Variants in CLEC16A observed in about 807,000 individuals in gnomAD.
CLEC16A encodes the protein protein CLEC16A.
In CLEC16A, 51 loss-of-function variants were observed where a neutral mutation model predicts 109.5. The observed-to-expected ratio is 0.47, with a 90% CI of 0.37 to 0.59. The LOEUF is 0.59. CLEC16A is among the 20% of genes least tolerant of loss of function. The probability of loss-of-function intolerance (pLI) is 0.00; values close to 1 mark genes in which losing one functional copy is unlikely to be tolerated. For missense variants in CLEC16A, 1,339 were observed against 1,394.0 expected (o/e 0.96, Z 0.63); for synonymous variants, 673 against 564.2 (o/e 1.19, Z -2.73).
At chr16:11,133,364 G>T (rs898971544) in intron 22 of CLEC16A, among the ~76,000 whole-genome samples, 28 of 148,766 alleles carry the variant, frequency 1.9e-4, no homozygotes, top group Admixed American at 6.7e-4. Flanking sequence ...TTTTTTTTTT[G>T]ACTCTCCTGA....
intron 1 of CLEC16A, among the ~76,000 whole-genome samples, chr16:10,949,811 C>A (rs1029150393): frequency 6.6e-6 from 1 of 152,140 alleles, no homozygotes; most frequent in Non-Finnish European, 1.5e-5. Flanking sequence ...GCTCTGCTGC[C>A]GTCCCCTGGT....
chr16:11,029,281 C>T (rs1234044113), intron 13 of CLEC16A, among the ~76,000 whole-genome samples: 2 of 152,138 alleles, frequency 1.3e-5, no homozygotes, highest in Admixed American at 1.3e-4. Context: ...AGTGTGAGCT[C>T]CAGGAATTGT....
chr16:10,994,492 A>G (rs2044216833), intron 10 of CLEC16A, among the ~76,000 whole-genome samples: 1 of 152,136 alleles, frequency 6.6e-6, no homozygotes, highest in Non-Finnish European at 1.5e-5. Flanking sequence ...GCCATGTGCT[A>G]CAGTGCTGTT....
intron 13 of CLEC16A, 126 bp from the exon 14 acceptor site, chr16:11,039,628 A>G: frequency 8.7e-7 from 1 of 1,154,974 alleles, no homozygotes; most frequent in East Asian, 2.7e-5. Flanking sequence ...AAGAAAAAGG[A>G]AAAGAAATCA....
chr16:11,001,418 G>A (rs2044662908), intron 10 of CLEC16A, among the ~76,000 whole-genome samples: 1 of 152,158 alleles, frequency 6.6e-6, no homozygotes, highest in Non-Finnish European at 1.5e-5. Context: ...GTAGAATTAA[G>A]TTTTAGCTCC....
At chr16:11,098,795 CT>C (rs1012498014) in intron 19 of CLEC16A, among the ~76,000 whole-genome samples, 16 of 152,222 alleles carry the variant, frequency 1.1e-4, no homozygotes, top group African/African-American at 3.9e-4. Flanking sequence ...AACTTTTCAA[CT>C]CCTTCGTTCA....
chr16:11,115,478 TCCTCCTGCCTCAG>T (rs1287989096), intron 19 of CLEC16A, among the ~76,000 whole-genome samples: 17 of 152,158 alleles, frequency 1.1e-4, no homozygotes, highest in Non-Finnish European at 1.3e-4. Context: ...GCTCAAGTGA[TCCTCCTGCCTCAG>T]CCTCCTGAGT....
chr16:10,971,497 G>T (rs1193768503), intron 5 of CLEC16A: 3 of 966,728 alleles, frequency 3.1e-6, no homozygotes, highest in Non-Finnish European at 3.7e-6. Context: ...GGGATTCAGA[G>T]TGGCTATGTT....
chr16:10,978,578 G>C (rs1346265391), intron 8 of CLEC16A, among the ~76,000 whole-genome samples: 2 of 152,212 alleles, frequency 1.3e-5, no homozygotes, highest in East Asian at 1.9e-4. Context: ...AGCCAGGACT[G>C]AGGCTTTGAG....
chr16:11,083,133 TTTG>T lies in CLEC16A; in HGVS notation c.2116+22129_2116+22131del, dbSNP rs753891555. ...GTAGGGGGATTGAGGTTTTGTTTGT[TTTG>T]TTGTTGTTGTTGTTGTTTGTTTGTT... On this transcript the variant is annotated intron_variant, in intron 19 of 23. Transcript: ENST00000409790. Among the ~76,000 whole-genome samples, 1,319 of 150,148 alleles carry T rather than the reference TTTG, an allele frequency of 8.8e-3. 6 individuals are homozygous for T. Among genetic ancestry groups the T allele is most frequent in the African/African-American group, 0.019 (769 of 40,404 alleles).
At chr16:11,033,238 T>C (rs1169194354) in intron 13 of CLEC16A, among the ~76,000 whole-genome samples, 1 of 151,846 alleles carries the variant, frequency 6.6e-6, no homozygotes, top group Non-Finnish European at 1.5e-5. Context: ...TTTACTAGGA[T>C]GAGGAGACAA....
rs2042243559 is a variant in CLEC16A at position 10,961,414 on chromosome 16, C to T, written c.210-1041C>T. On this transcript the variant is annotated intron_variant, in intron 2 of 23. Coordinates refer to ENST00000409790, the MANE Select transcript of CLEC16A (RefSeq NM_015226.3). The surrounding 1 kb of genome is among the most constrained non-coding windows in gnomAD (Gnocchi z 4.3). ...GACAGAGAGGCACCCACAACTGAGT[C>T]AGCCCGCAGGCACACCTCATTTCTT... Among the ~76,000 whole-genome samples the T allele has an allele frequency of 6.6e-6, 1 of 152,196 alleles. No individual in the cohort carries two copies. The highest frequency in any genetic ancestry group is 2.4e-5 in the African/African-American group (1 of 41,450).
chr16:11,167,380 C>T (rs1477747023), intron 23 of CLEC16A, among the ~76,000 whole-genome samples: 1 of 152,172 alleles, frequency 6.6e-6, no homozygotes, highest in African/African-American at 2.4e-5. Context: ...CTTCACTGTT[C>T]CTGCAAGTTC....
Position 11,178,102 on chromosome 16 carries a change from C to T in CLEC16A, c.2807-233C>T, listed in dbSNP as rs1339259250. ...GGCCCTGAATTTTCCCCTCATATCA[C>T]AAGTCAGGGTAACCCTAGGCCCTGC... On this transcript the variant is annotated intron_variant, in intron 23 of 23. Coordinates refer to ENST00000409790, the MANE Select transcript of CLEC16A (RefSeq NM_015226.3). This position sits in a 1 kb window ranked among gnomAD's most constrained non-coding sequence, Gnocchi z 6.5. Among the ~76,000 whole-genome samples the T allele has an allele frequency of 6.6e-6, 1 of 152,164 alleles. No homozygotes were observed. Among genetic ancestry groups the T allele is most frequent in the Non-Finnish European group, 1.5e-5 (1 of 68,036 alleles).
intron 12 of CLEC16A, among the ~76,000 whole-genome samples, chr16:11,023,969 C>T (rs2046270518): frequency 6.6e-6 from 1 of 152,214 alleles, no homozygotes; most frequent in Non-Finnish European, 1.5e-5. Flanking sequence ...CCTGGAAAGG[C>T]AGCATTTGGG....
intron 23 of CLEC16A, among the ~76,000 whole-genome samples, chr16:11,172,198 TCA>T (rs1437168945): frequency 6.6e-6 from 1 of 151,878 alleles, no homozygotes. Flanking sequence ...ATAGTCACAC[TCA>T]CATACACAGC....
At position 10,971,106 on chromosome 16, in the gene CLEC16A, G is replaced by T. The variant is rs199868443; in HGVS notation, c.493-19G>T. On this transcript the variant is annotated intron_variant, in intron 4 of 23. Transcript: ENST00000409790. ...GCTTATGGGCTTATAATTTGTTTTC[G>T]TTATTTCTTTTGTTTTAGCACACCA... is the stretch of plus-strand genomic sequence containing the variant. 1.3e-6 allele frequency: 2 copies of T among 1,569,198 alleles called. No homozygotes were observed. The highest frequency in any genetic ancestry group is 3.4e-5 in the Admixed American group (2 of 59,376).
intron 19 of CLEC16A, among the ~76,000 whole-genome samples, chr16:11,119,419 G>A (rs2052239010): frequency 6.6e-6 from 1 of 152,020 alleles, no homozygotes; most frequent in Non-Finnish European, 1.5e-5. Context: ...TTGAGACCAG[G>A]TCTCTGTCAT....
chr16:10,947,076 T>C (rs2041422658), intron 1 of CLEC16A, among the ~76,000 whole-genome samples: 1 of 152,260 alleles, frequency 6.6e-6, no homozygotes, highest in Non-Finnish European at 1.5e-5. Context: ...GGGAACTGCC[T>C]GGGTTCATTG....
Sources: allele counts gnomAD v4.1 joint callset (sites outside exome capture counted in the v4.1 genomes callset), GRCh38; gene constraint gnomAD v4.1.1; non-coding constraint Gnocchi (gnomAD v3.1); transcripts MANE v1.5; gene names NCBI Gene and HGNC (gene_info 2026-07-23, HGNC 2026-07-21).